The following PPM1L variants were observed in gnomAD, a reference collection of about 807,000 sequenced individuals.
PPM1L encodes the protein protein phosphatase, Mg2+/Mn2+ dependent 1L.
A neutral mutation model predicts 31.4 loss-of-function variants in PPM1L; 13 were observed. That is an observed-to-expected ratio of 0.41 (90% CI 0.27 to 0.66). The LOEUF (loss-of-function observed/expected upper bound fraction) is 0.66. PPM1L is among the 30% of genes least tolerant of loss of function. The pLI is 0.29. For missense variants in PPM1L, 326 were observed against 453.7 expected (o/e 0.72, Z 2.56); for synonymous variants, 184 against 175.4 (o/e 1.05, Z -0.39).
rs74653277 is a variant in PPM1L, at chr3:161,008,410, T to C, written c.574+46500T>C. On this transcript the variant is annotated intron_variant, in intron 2 of 3. Coordinates refer to ENST00000498165, the MANE Select transcript of PPM1L (RefSeq NM_139245.4). The stretch of plus-strand genomic sequence containing the variant: ...TTTCTTCACAGCTGTTTATACTTTG[T>C]TGAATCTAAGCATAAAAATGGATAG... Among the ~76,000 whole-genome samples the C allele has an allele frequency of 8.6e-3, 1,315 of 152,380 alleles. 28 individuals are homozygous for C. Among genetic ancestry groups the C allele is most frequent in the African/African-American group, 0.029 (1,224 of 41,598 alleles).
chr3:160,817,504 G>A (rs879717127), intron 1 of PPM1L, among the ~76,000 whole-genome samples: 5 of 152,060 alleles, frequency 3.3e-5, no homozygotes, highest in African/African-American at 7.2e-5. Flanking sequence ...TTTACACGGC[G>A]CCTACTTCAG....
At chr3:161,035,223 A>G (rs1441009592) in intron 2 of PPM1L, among the ~76,000 whole-genome samples, 1 of 152,006 alleles carries the variant, frequency 6.6e-6, no homozygotes, top group Non-Finnish European at 1.5e-5. Context: ...AAAAAAAAAA[A>G]AAGAGTGAGC....
intron 1 of PPM1L, among the ~76,000 whole-genome samples, chr3:160,786,192 T>TATATATATATATATATATACAC (rs1560106743): frequency 2.4e-5 from 2 of 83,194 alleles, no homozygotes; most frequent in African/African-American, 1.2e-4. Context: ...TGTGTGTATA[T>TATATATATATATATATATACAC]ATATATATAT....
chr3:160,881,494 A>G (rs1230727086), intron 1 of PPM1L, among the ~76,000 whole-genome samples: 1 of 152,168 alleles, frequency 6.6e-6, no homozygotes, highest in Non-Finnish European at 1.5e-5. Context: ...TGGCCAATAT[A>G]TTTAAAAAAT....
intron 1 of PPM1L, among the ~76,000 whole-genome samples, chr3:160,826,086 A>C (rs1322300306): frequency 6.8e-5 from 10 of 147,154 alleles, no homozygotes; most frequent in Admixed American, 6.7e-4. Context: ...AGGGGATGCT[A>C]GTTTTGTATC....
At chr3:160,780,379 T>C (rs1212321648) in intron 1 of PPM1L, among the ~76,000 whole-genome samples, 2 of 152,196 alleles carry the variant, frequency 1.3e-5, no homozygotes, top group African/African-American at 4.8e-5. Context: ...TCTTAAGAAG[T>C]CTTTAGAATG....
At chr3:160,767,793 A>G (rs950099319) in intron 1 of PPM1L, among the ~76,000 whole-genome samples, 1 of 152,216 alleles carries the variant, frequency 6.6e-6, no homozygotes, top group Admixed American at 6.5e-5. Context: ...AATATGGTAT[A>G]AAATTTATTC....
intron 2 of PPM1L, among the ~76,000 whole-genome samples, chr3:160,971,022 C>A (rs1415672921): frequency 6.6e-6 from 1 of 152,104 alleles, no homozygotes; most frequent in Non-Finnish European, 1.5e-5. Flanking sequence ...CTTACACTTT[C>A]CATTTAGACT....
At position 160,785,352 on chromosome 3, in the gene PPM1L, T is replaced by G. The variant is rs116830661; in HGVS notation, c.399+28645T>G. 9.5e-3 allele frequency among the ~76,000 whole-genome samples: 1,449 copies of G among 152,284 alleles called. 23 individuals carry two copies. Among genetic ancestry groups the G allele is most frequent in the African/African-American group, 0.032 (1,335 of 41,570 alleles). Reference sequence around the variant, plus strand: ...TAGTTTATTATTTAAAAAGAAAGATTGATTTTGTTACTAAAGTACCATAAA... The same window carrying G: ...TAGTTTATTATTTAAAAAGAAAGATGGATTTTGTTACTAAAGTACCATAAA... On this transcript the variant is annotated intron_variant, in intron 1 of 3. Coordinates refer to ENST00000498165, the MANE Select transcript of PPM1L (RefSeq NM_139245.4).
chr3:160,958,392 C>G (rs541326072), intron 1 of PPM1L, among the ~76,000 whole-genome samples: 1 of 152,096 alleles, frequency 6.6e-6, no homozygotes, highest in African/African-American at 2.4e-5. Flanking sequence ...CCAGGAATCC[C>G]ATGGTGTGCT....
intron 2 of PPM1L, among the ~76,000 whole-genome samples, chr3:161,048,291 A>G (rs1373055483): frequency 6.6e-6 from 1 of 152,244 alleles, no homozygotes; most frequent in Non-Finnish European, 1.5e-5. Context: ...ACACTTCTCA[A>G]AAGAAGACAT....
rs1386868435 is a variant in PPM1L at position 161,074,119 on chromosome 3, T to C, written c.*4962T>C. On this transcript the variant is annotated 3_prime_UTR_variant, in exon 4 of 4. Coordinates refer to ENST00000498165, the MANE Select transcript of PPM1L (RefSeq NM_139245.4). ...TTAAAACTAATGATCTGTTATATAA[T>C]AACTGAAATGTAAACTATTAACAGT... 6.6e-6 allele frequency: 1 copy of C among 152,258 alleles called. No individual in the cohort carries two copies. 9.4% of individuals were successfully genotyped at this position (152,258 alleles called of 1,614,324 possible).
chr3:160,916,425 A>G lies in PPM1L; in HGVS notation c.400-45311A>G, dbSNP rs76976239. ...GGAAATTATTAAAAATCTTGCCATG[A>G]TAGTGCTTTCAGTGCATTACTGTAA... On this transcript the variant is annotated intron_variant, in intron 1 of 3. Transcript: ENST00000498165. 1.7e-3 allele frequency among the ~76,000 whole-genome samples: 264 copies of G among 152,280 alleles called. 7 individuals are homozygous for G. In the East Asian group the frequency reaches 0.035, roughly 20 times the overall value.
At position 160,835,039 on chromosome 3, in the gene PPM1L, A is replaced by ACTTCTTCTTCCTCTTCTTCTTCTT. The variant is rs1553810670; in HGVS notation, c.399+78342_399+78343insCTCTTCTTCTTCTTCTTCTTCTTC. Among the ~76,000 whole-genome samples, 110 of 131,818 alleles carry ACTTCTTCTTCCTCTTCTTCTTCTT rather than the reference A, an allele frequency of 8.3e-4. 4 individuals carry two copies. The highest frequency in any genetic ancestry group is 3.3e-3 in the African/African-American group (108 of 32,244). The allele number at this position is 131,818 out of a possible 152,430, so 86.5% of individuals were successfully genotyped here. On this transcript the variant is annotated intron_variant, in intron 1 of 3. Transcript: ENST00000498165. ...TACTACTACTACTATTACTACTACT[A>ACTTCTTCTTCCTCTTCTTCTTCTT]CTTCTTCTTCTTCTTCTTCTTCTTC...
intron 2 of PPM1L, among the ~76,000 whole-genome samples, chr3:160,977,477 G>C (rs373143787): frequency 6.6e-6 from 1 of 152,154 alleles, no homozygotes; most frequent in African/African-American, 2.4e-5. Flanking sequence ...TTTGACTTCT[G>C]TATCTATGAA....
chr3:160,784,921 G>A (rs191035170), intron 1 of PPM1L, among the ~76,000 whole-genome samples: 1 of 152,338 alleles, frequency 6.6e-6, no homozygotes, highest in African/African-American at 2.4e-5. Context: ...GACAAAAGTG[G>A]TGATTGTTTG....
chr3:160,783,026 A>G (rs1711793103), intron 1 of PPM1L, among the ~76,000 whole-genome samples: 1 of 152,186 alleles, frequency 6.6e-6, no homozygotes, highest in Admixed American at 6.5e-5. Flanking sequence ...TGCCCTCTTC[A>G]TGGGCCAGTG....
At chr3:160,845,236 A>T (rs76867426) in intron 1 of PPM1L, among the ~76,000 whole-genome samples, 2,779 of 152,158 alleles carry the variant, frequency 0.018, 91 homozygotes, top group African/African-American at 0.065. Context: ...GTGTATGGAC[A>T]TATGTTTCTT....
intron 1 of PPM1L, among the ~76,000 whole-genome samples, chr3:160,915,316 A>G (rs959786570): frequency 3.3e-5 from 5 of 152,192 alleles, no homozygotes; most frequent in African/African-American, 1.2e-4. Context: ...CAATTGCTTC[A>G]AAGAGAATAA....
Sources: allele counts gnomAD v4.1 joint callset (sites outside exome capture counted in the v4.1 genomes callset), GRCh38; gene constraint gnomAD v4.1.1; transcripts MANE v1.5; gene names NCBI Gene and HGNC (gene_info 2026-07-23, HGNC 2026-07-21).